MGRN1: variants seen among roughly 807,000 people sequenced by gnomAD.
The protein encoded by MGRN1 is E3 ubiquitin-protein ligase MGRN1.
A neutral mutation model predicts 69.2 loss-of-function variants in MGRN1; 29 were observed. The observed-to-expected ratio is 0.42, with a 90% CI of 0.31 to 0.57. MGRN1 has a LOEUF of 0.57. Ranked by LOEUF, MGRN1 falls within the 20% of genes least tolerant of loss-of-function variation. MGRN1 has a pLI of 0.15. For missense variants in MGRN1, 998 were observed against 796.2 expected (o/e 1.25, Z -3.05); for synonymous variants, 470 against 344.2 (o/e 1.37, Z -4.04).
intron 2 of MGRN1, among the ~76,000 whole-genome samples, chr16:4,651,272 C>G (rs1308069266): frequency 6.6e-6 from 1 of 151,270 alleles, no homozygotes; most frequent in Non-Finnish European, 1.5e-5. Flanking sequence ...GTCTGTTCAG[C>G]ACACATGTGG....
chr16:4,633,284 G>C (rs1898101482), intron 1 of MGRN1, among the ~76,000 whole-genome samples: 1 of 151,928 alleles, frequency 6.6e-6, no homozygotes, highest in African/African-American at 2.4e-5. Flanking sequence ...AGCTACTCAG[G>C]AGGCTGAGGC....
At chr16:4,686,679 C>G (rs1403922424) in intron 16 of MGRN1, 1 of 1,063,162 alleles carries the variant, frequency 9.4e-7, no homozygotes, top group East Asian at 7.4e-5. Context: ...ATGAGGGCAG[C>G]ACCGTGGAGG....
At chr16:4,657,738 CTTTTTTT>C (rs1157518931) in intron 5 of MGRN1, among the ~76,000 whole-genome samples, 18 of 77,050 alleles carry the variant, frequency 2.3e-4, no homozygotes, top group South Asian at 5.4e-4. Context: ...TGCAGACATC[CTTTTTTT>C]TTTTTTTTTT....
rs182736804 is a variant in MGRN1, at chr16:4,654,085, G to C, written c.443+1261G>C. Among the ~76,000 whole-genome samples the C allele has an allele frequency of 5.6e-4, 85 of 152,138 alleles. No homozygotes were observed. In the Middle Eastern group the frequency reaches 0.02, roughly 37 times the overall value. On this transcript the variant is annotated intron_variant, in intron 4 of 16. Coordinates refer to ENST00000262370, the MANE Select transcript of MGRN1 (RefSeq NM_015246.4). ...CCAGGTTTTTGTTTGTTTTTCCTCG[G>C]GAGCTCTTAGACGACACTTCCAAGT...
chr16:4,668,033 G>C (rs2078844465), intron 7 of MGRN1, among the ~76,000 whole-genome samples: 1 of 152,120 alleles, frequency 6.6e-6, no homozygotes, highest in African/African-American at 2.4e-5. Flanking sequence ...TCCCCGGGCT[G>C]TGTGTTCTGG....
intron 2 of MGRN1, chr16:4,650,750 C>T (rs1029520592): frequency 3.0e-5 from 10 of 336,466 alleles, no homozygotes; most frequent in Admixed American, 9.7e-5. Context: ...TGGGCTGCAA[C>T]GGCTGCGGAA....
intron 4 of MGRN1, among the ~76,000 whole-genome samples, chr16:4,653,206 T>A (rs1233642868): frequency 1.3e-5 from 2 of 152,196 alleles, no homozygotes; most frequent in African/African-American, 4.8e-5. Context: ...GAGTTGCTAG[T>A]GTGGCTCACA....
intron 4 of MGRN1, among the ~76,000 whole-genome samples, chr16:4,656,034 C>CA (rs2078530267): frequency 6.6e-6 from 1 of 152,228 alleles, no homozygotes; most frequent in South Asian, 2.1e-4. Context: ...GTGGCCCCCC[C>CA]ACGCCCCATC....
At position 4,673,653 on chromosome 16, in the gene MGRN1, G is replaced by T; in HGVS notation, c.951G>T (p.Arg317=). ...AGGCCAACAACTGCCCCATCTGCCGGCTGCGTGAGTTCCCCGGCCGGCTGT... is the reference window on the plus strand; with the variant it reads ...AGGCCAACAACTGCCCCATCTGCCGTCTGCGTGAGTTCCCCGGCCGGCTGT... ...RYQANNCPIC[R]LPFRALLQIR... Residue 317 remains arginine, a synonymous_variant, in exon 10 of 17, where the codon CGG becomes CGT. Coordinates refer to ENST00000262370, the MANE Select transcript of MGRN1 (RefSeq NM_015246.4). 1 of 1,612,820 alleles carries T rather than the reference G, an allele frequency of 6.2e-7. No homozygotes were observed. Among genetic ancestry groups the T allele is most frequent in the Non-Finnish European group, 8.5e-7 (1 of 1,179,684 alleles).
Position 4,657,943 on chromosome 16 carries a change from C to T in MGRN1, c.561+580C>T, listed in dbSNP as rs565387513. Among the ~76,000 whole-genome samples, 679 of 151,148 alleles carry T rather than the reference C, an allele frequency of 4.5e-3. 5 individuals carry two copies. Among genetic ancestry groups the T allele is most frequent in the Middle Eastern group, 0.014 (4 of 294 alleles). On this transcript the variant is annotated intron_variant, in intron 5 of 16. Coordinates refer to ENST00000262370, the MANE Select transcript of MGRN1 (RefSeq NM_015246.4). ...ATTTTTAGTAGAGACGGGGTTTCAC[C>T]GTGTTAGCCAGGATGGTCTTGATCT...
Position 4,686,551 on chromosome 16 carries a change from G to T in MGRN1, c.1619-2245G>T. ...TCTCTCCATCTGGACTAGGCGGCCG[G>T]TCAGGCTCTTCTTCCAGCCTTGAGG... On this transcript the variant is annotated intron_variant, in intron 16 of 16. Transcript: ENST00000262370. The T allele has an allele frequency of 3.0e-6, 4 of 1,343,166 alleles. No homozygotes were observed. The South Asian group carries it at 7.8e-5, about 26-fold the overall frequency. 83.2% of individuals were successfully genotyped at this position (1,343,166 alleles called of 1,614,324 possible).
In MGRN1 at chr16:4,689,144, C is replaced by G. The variant is rs1053290332; in HGVS notation, c.*236C>G. The G allele has an allele frequency of 5.6e-5, 31 of 552,894 alleles. No individual in the cohort carries two copies. Among genetic ancestry groups the G allele is most frequent in the Non-Finnish European group, 7.5e-5 (26 of 344,450 alleles). 34.2% of individuals were successfully genotyped at this position (552,894 alleles called of 1,614,324 possible). A position where few individuals can be genotyped will look rare whatever the true frequency, so the allele number is the denominator to read the frequency against. On this transcript the variant is annotated 3_prime_UTR_variant, in exon 17 of 17. Coordinates refer to ENST00000262370, the MANE Select transcript of MGRN1 (RefSeq NM_015246.4). ...AAGATGAAGGACAGCAGCTTTCCAT[C>G]CCTAGTTCAGAGCCCCCGTTCCCCA...
At chr16:4,681,342 G>A (rs548874663) in intron 12 of MGRN1, 32 of 567,798 alleles carry the variant, frequency 5.6e-5, no homozygotes, top group Non-Finnish European at 6.8e-5. Context: ...AGGCACCAGC[G>A]TGGGCATTTG....
At chr16:4,668,438 C>G (rs1596302893) in intron 8 of MGRN1, 126 bp downstream of exon 8, 6 of 920,492 alleles carry the variant, frequency 6.5e-6, no homozygotes, top group Admixed American at 2.3e-5. Flanking sequence ...CGCTCATACA[C>G]ACTCATACAC....
intron 1 of MGRN1, 60 bp downstream of exon 1, chr16:4,625,108 G>C: frequency 7.0e-7 from 1 of 1,435,358 alleles, no homozygotes; most frequent in Non-Finnish European, 9.2e-7. Context: ...GACCCGGCGG[G>C]CGCGGGGGCG....
At chr16:4,684,855 G>A (rs949351861) in intron 16 of MGRN1, among the ~76,000 whole-genome samples, 7 of 152,218 alleles carry the variant, frequency 4.6e-5, no homozygotes, top group African/African-American at 7.2e-5. Context: ...CTCTTCCCTC[G>A]CGGCTGCCAG....
intron 1 of MGRN1, among the ~76,000 whole-genome samples, chr16:4,643,403 A>ATTTTT (rs34438924): frequency 1.8e-5 from 2 of 109,836 alleles, no homozygotes; most frequent in African/African-American, 3.6e-5. Context: ...GCCTTGCTTG[A>ATTTTT]TTTTTTTTTT....
At chr16:4,665,923 G>A (rs1283590096) in intron 7 of MGRN1, among the ~76,000 whole-genome samples, 5 of 151,400 alleles carry the variant, frequency 3.3e-5, no homozygotes, top group South Asian at 2.1e-4. Flanking sequence ...TACGCCTCCC[G>A]GGTTCATGCC....
intron 13 of MGRN1, 108 bp from the exon 14 acceptor site, chr16:4,682,715 C>T (rs2079216343): frequency 7.7e-7 from 1 of 1,293,008 alleles, no homozygotes; most frequent in Non-Finnish European, 1.0e-6. Context: ...TTGCGTGGGT[C>T]CTGGCAGGCG....
Sources: gnomAD v4.1 joint callset for allele counts (sites outside exome capture counted in the v4.1 genomes callset) on GRCh38, gnomAD v4.1.1 for gene constraint, MANE v1.5 for transcripts, NCBI Gene and HGNC (gene_info 2026-07-23, HGNC 2026-07-21) for gene names.